The following DNAH11 variants were observed in gnomAD, a reference collection of about 807,000 sequenced individuals.
The protein encoded by DNAH11 is axonemal beta dynein heavy chain 11.
A neutral mutation model predicts 526.0 loss-of-function variants in DNAH11; 442 were observed. That is an observed-to-expected ratio of 0.84 (90% CI 0.78 to 0.91). The LOEUF is 0.91. DNAH11 is among the 40% of genes least tolerant of loss of function. The pLI is 0.00. For synonymous variants in DNAH11, 2,461 were observed against 1,935.9 expected (o/e 1.27, Z -7.12); for missense variants, 6,989 against 5,448.7 (o/e 1.28, Z -8.90).
chr7:21,797,922 G>T (rs1788791484), intron 61 of DNAH11, among the ~76,000 whole-genome samples: 1 of 152,274 alleles, frequency 6.6e-6, no homozygotes. Context: ...TGCTGAATGT[G>T]CTGTGCCATA....
At position 21,739,670 on chromosome 7, in the gene DNAH11, A is replaced by G. The variant is rs1583647050; in HGVS notation, c.7911A>G (p.Leu2637=). 1.9e-6 allele frequency: 3 copies of G among 1,610,590 alleles called. No individual in the cohort carries two copies. The highest frequency in any genetic ancestry group is 2.5e-6 in the Non-Finnish European group (3 of 1,177,792). The change falls in exon 48 of 82, where the codon CTA becomes CTG. Residue 2637 remains leucine (L), a synonymous_variant. Transcript: ENST00000409508. ...GCAGCTTCACCATCAATCCCAGGCT[A>G]CAGGTAGGGTGTTGAATACTGCTCT... ...MVGSFTINPR[L]QRHFTVFAFN... is the part of the protein sequence containing the mutation.
At chr7:21,892,116 G>A (rs1422966886) in intron 76 of DNAH11, among the ~76,000 whole-genome samples, 1 of 152,130 alleles carries the variant, frequency 6.6e-6, no homozygotes, top group Non-Finnish European at 1.5e-5. Context: ...ATGGGAGTGT[G>A]TTATAGGGTA....
intron 25 of DNAH11, among the ~76,000 whole-genome samples, chr7:21,626,507 C>G (rs938485809): frequency 1.3e-4 from 20 of 151,992 alleles, no homozygotes; most frequent in Non-Finnish European, 1.9e-4. Context: ...ATTTTTCGTT[C>G]TTTGAAAACT....
intron 35 of DNAH11, 64 bp from the exon 36 acceptor site, chr7:21,698,010 AT>A: frequency 6.6e-7 from 1 of 1,509,926 alleles, no homozygotes; most frequent in Non-Finnish European, 8.9e-7. Context: ...TAACCACTTG[AT>A]TTCAGCAATT....
At chr7:21,698,295 A>G (rs1220270665) in intron 36 of DNAH11, 82 bp downstream of exon 36, 8 of 1,556,974 alleles carry the variant, frequency 5.1e-6, no homozygotes. Flanking sequence ...GTAATTTATC[A>G]TTCAAATTAC....
chr7:21,793,334 C>G (rs1344278722), intron 61 of DNAH11, among the ~76,000 whole-genome samples: 1 of 152,140 alleles, frequency 6.6e-6, no homozygotes, highest in African/African-American at 2.4e-5. Flanking sequence ...AAGAATTTGT[C>G]AGGCTGGGCG....
chr7:21,787,353 C>T (rs764328684), intron 59 of DNAH11, 48 bp from the exon 60 acceptor site: 5 of 1,537,936 alleles, frequency 3.3e-6, no homozygotes, highest in Non-Finnish European at 4.4e-6. Context: ...TTGGAATTTT[C>T]TCTGCAGCCA....
chr7:21,741,723 C>G (rs1045541563), intron 48 of DNAH11, among the ~76,000 whole-genome samples: 3 of 152,130 alleles, frequency 2.0e-5, no homozygotes, highest in African/African-American at 7.2e-5. Flanking sequence ...ATATACACCT[C>G]TGACAACGAG....
At chr7:21,840,881 T>A (rs1442941579) in intron 65 of DNAH11, among the ~76,000 whole-genome samples, 2 of 152,148 alleles carry the variant, frequency 1.3e-5, no homozygotes, top group African/African-American at 4.8e-5. Context: ...GGAAAGTAAT[T>A]TTTTAAATAT....
chr7:21,617,504 T>G, intron 22 of DNAH11, 115 bp from the exon 23 acceptor site: 1 of 1,254,250 alleles, frequency 8.0e-7, no homozygotes, highest in Non-Finnish European at 1.1e-6. Context: ...GGAGTTCAAA[T>G]GCTTTCACTC....
At chr7:21,681,123 A>G (rs1188065502) in intron 30 of DNAH11, among the ~76,000 whole-genome samples, 2 of 152,126 alleles carry the variant, frequency 1.3e-5, no homozygotes, top group African/African-American at 2.4e-5. Flanking sequence ...CAGCTGGGGT[A>G]ACATATTTGA....
chr7:21,575,875 C>T (rs1025724323), intron 8 of DNAH11, among the ~76,000 whole-genome samples: 1 of 152,180 alleles, frequency 6.6e-6, no homozygotes, highest in Non-Finnish European at 1.5e-5. Context: ...ACTACAATAG[C>T]ATTGCTCATC....
intron 37 of DNAH11, chr7:21,703,911 T>A (rs939047686): frequency 6.6e-6 from 1 of 152,228 alleles, no homozygotes; most frequent in Non-Finnish European, 1.5e-5. Flanking sequence ...TTCATTTATT[T>A]TTTCTCTTGC....
chr7:21,543,312 T>C lies in DNAH11; in HGVS notation c.67T>C (p.Ser23Pro). ...AGAAGCCCCGACCCTTCGCCTAACC[T>C]CGGGGGCCGGCCTGGAGGCAGTGGG... ...FREAPTLRLT[S>P]GAGLEAVGAV... The change falls in exon 1 of 82, where the codon TCG becomes CCG. Residue 23 changes from serine (S) to proline (P), a missense_variant. Ser to Pro is a moderately conservative substitution (Grantham distance 74). Coordinates refer to ENST00000409508, the MANE Select transcript of DNAH11 (RefSeq NM_001277115.2). 1 of 1,549,584 alleles carries C rather than the reference T, an allele frequency of 6.5e-7. No homozygotes were observed. Among genetic ancestry groups the C allele is most frequent in the Non-Finnish European group, 8.7e-7 (1 of 1,146,334 alleles).
intron 43 of DNAH11, 93 bp from the exon 44 acceptor site, chr7:21,720,632 T>C: frequency 7.4e-7 from 1 of 1,348,018 alleles, no homozygotes; most frequent in Non-Finnish European, 9.9e-7. Context: ...AACTATGTAC[T>C]CTCTTAAGGA....
intron 34 of DNAH11, among the ~76,000 whole-genome samples, chr7:21,687,944 C>A (rs1010827785): frequency 2.6e-5 from 4 of 152,038 alleles, no homozygotes; most frequent in African/African-American, 9.7e-5. Flanking sequence ...TGCCTGTAGT[C>A]CCAGTTATTT....
intron 43 of DNAH11, among the ~76,000 whole-genome samples, chr7:21,720,312 G>A (rs920753841): frequency 6.6e-6 from 1 of 152,160 alleles, no homozygotes; most frequent in Non-Finnish European, 1.5e-5. Flanking sequence ...TCCAGTGGTG[G>A]TGTAGAGTAA....
At chr7:21,789,763 C>CTCTT (rs1554281334) in intron 61 of DNAH11, among the ~76,000 whole-genome samples, 1,684 of 72,916 alleles carry the variant, frequency 0.023, 79 homozygotes, top group South Asian at 0.061. Context: ...ATTTCTTTCT[C>CTCTT]TCTTTCTTTC....
chr7:21,787,261 A>G (rs1446001315), intron 59 of DNAH11, 140 bp from the exon 60 acceptor site: 1 of 743,310 alleles, frequency 1.3e-6, no homozygotes, highest in Non-Finnish European at 2.1e-6. Flanking sequence ...AAAGACTGAA[A>G]AAGTCAAACA....
Sources: allele counts gnomAD v4.1 joint callset (sites outside exome capture counted in the v4.1 genomes callset), GRCh38; gene constraint gnomAD v4.1.1; transcripts MANE v1.5; gene names NCBI Gene and HGNC (gene_info 2026-07-23, HGNC 2026-07-21).